NUP188: variants seen among roughly 807,000 people sequenced by gnomAD.
The protein encoded by NUP188 is nucleoporin NUP188.
In NUP188, 97 loss-of-function variants were observed where a neutral mutation model predicts 223.0. That is an observed-to-expected ratio of 0.43 (90% CI 0.37 to 0.51). NUP188 has a LOEUF of 0.51. Ranked by LOEUF, NUP188 falls within the 20% of genes least tolerant of loss-of-function variation. NUP188 has a pLI of 0.00. For synonymous variants in NUP188, 869 were observed against 828.0 expected (o/e 1.05, Z -0.85); for missense variants, 1,947 against 2,175.6 (o/e 0.89, Z 2.09).
chr9:129,005,565 TA>T, intron 40 of NUP188, 35 bp downstream of exon 40: 1 of 1,610,158 alleles, frequency 6.2e-7, no homozygotes, highest in Non-Finnish European at 8.5e-7. Context: ...CCACCTCCCC[TA>T]AAGGCTCTGC....
At chr9:128,970,085 G>A (rs539126613) in intron 10 of NUP188, among the ~76,000 whole-genome samples, 20 of 152,212 alleles carry the variant, frequency 1.3e-4, no homozygotes, top group African/African-American at 3.6e-4. Context: ...ATGCCACCAC[G>A]TCCAGTTAAT....
chr9:128,961,085 C>CAA (rs561298362), intron 8 of NUP188, among the ~76,000 whole-genome samples: 11 of 40,988 alleles, frequency 2.7e-4, no homozygotes, highest in East Asian at 7.3e-4. Context: ...GACTCCGTCT[C>CAA]AAAAAAAAAA....
intron 10 of NUP188, among the ~76,000 whole-genome samples, chr9:128,970,512 G>A (rs943348812): frequency 2.6e-5 from 4 of 152,180 alleles, no homozygotes; most frequent in Non-Finnish European, 4.4e-5. Flanking sequence ...GGAATGTATC[G>A]TAACATGCAT....
chr9:128,974,845 AC>A (rs1054685745), intron 12 of NUP188, among the ~76,000 whole-genome samples: 2 of 148,496 alleles, frequency 1.3e-5, no homozygotes, highest in Non-Finnish European at 3.0e-5. Context: ...TTCAACCTGC[AC>A]CCCCTGGGCT....
intron 8 of NUP188, among the ~76,000 whole-genome samples, chr9:128,959,527 C>CTTTTTTTTTTTTTTTTTT (rs1303364478): frequency 2.4e-5 from 3 of 123,892 alleles, no homozygotes; most frequent in African/African-American, 9.6e-5. Flanking sequence ...TACAGATTAT[C>CTTTTTTTTTTTTTTTTTT]TTTTTTTTTT....
chr9:129,002,003 C>G (rs1467850054), intron 36 of NUP188, 27 bp downstream of exon 36: 1 of 1,553,338 alleles, frequency 6.4e-7, no homozygotes, highest in Non-Finnish European at 8.9e-7. Flanking sequence ...TGCCAGGAGG[C>G]CCAGCCTGAC....
intron 8 of NUP188, among the ~76,000 whole-genome samples, chr9:128,965,037 A>G (rs1429923527): frequency 6.6e-6 from 1 of 152,162 alleles, no homozygotes; most frequent in Non-Finnish European, 1.5e-5. Flanking sequence ...TGTTTTTGTC[A>G]GTTTTGTCTA....
At chr9:128,977,117 ATTT>A (rs745918158) in intron 12 of NUP188, among the ~76,000 whole-genome samples, 8 of 124,990 alleles carry the variant, frequency 6.4e-5, no homozygotes, top group Admixed American at 8.2e-5. Context: ...TGGTACTTGG[ATTT>A]TTTTTTTTTT....
At chr9:128,993,067 C>T in intron 25 of NUP188, 130 bp from the exon 26 acceptor site, 1 of 719,302 alleles carries the variant, frequency 1.4e-6, no homozygotes, top group Non-Finnish European at 2.5e-6. Flanking sequence ...TCCCTTTTAG[C>T]CCAGAGCTGT....
At chr9:128,955,623 CTTTTTTCT>C (rs972424121) in intron 3 of NUP188, among the ~76,000 whole-genome samples, 3 of 152,008 alleles carry the variant, frequency 2.0e-5, no homozygotes, top group Admixed American at 6.6e-5. Flanking sequence ...CGTGTCCTTC[CTTTTTTCT>C]TTTTTTCTTT....
chr9:128,989,395 C>G (rs1298909411), intron 24 of NUP188, among the ~76,000 whole-genome samples: 1 of 152,056 alleles, frequency 6.6e-6, no homozygotes, highest in Non-Finnish European at 1.5e-5. Context: ...TAGTGAAACC[C>G]TCTCTCAAAA....
At chr9:128,954,277 C>T (rs1477025565) in intron 3 of NUP188, among the ~76,000 whole-genome samples, 4 of 150,296 alleles carry the variant, frequency 2.7e-5, no homozygotes, top group Non-Finnish European at 3.0e-5. Context: ...TGCAGTGGCA[C>T]GATCTCGGCT....
At position 128,948,800 on chromosome 9, in the gene NUP188, A is replaced by T. The variant is rs140581375; in HGVS notation, c.33-389A>T. On this transcript the variant is annotated intron_variant, in intron 1 of 43. Coordinates refer to ENST00000372577, the MANE Select transcript of NUP188 (RefSeq NM_015354.3). Reference sequence around the variant, plus strand: ...GAGTGCAATGGCACGATCTCGGCTCACTGCAAGCTCTGTCTCCCGGGTTCA... The same window carrying T: ...GAGTGCAATGGCACGATCTCGGCTCTCTGCAAGCTCTGTCTCCCGGGTTCA... 8.0e-3 allele frequency among the ~76,000 whole-genome samples: 1,007 copies of T among 126,410 alleles called. 14 individuals are homozygous for T. The highest frequency in any genetic ancestry group is 0.029 in the African/African-American group (961 of 33,042). 82.9% of individuals were successfully genotyped at this position (126,410 alleles called of 152,430 possible).
At chr9:128,964,301 A>G (rs774416294) in intron 8 of NUP188, 5 of 383,114 alleles carry the variant, frequency 1.3e-5, no homozygotes, top group South Asian at 1.0e-4. Context: ...TAAGCTATTT[A>G]CCAGATAGAT....
At chr9:128,961,623 T>TAGATAGATA (rs61115252) in intron 8 of NUP188, among the ~76,000 whole-genome samples, 1 of 45,434 alleles carries the variant, frequency 2.2e-5, no homozygotes, top group African/African-American at 8.0e-5. Context: ...GATAGATAGA[T>TAGATAGATA]TTTTTTTTTT....
intron 12 of NUP188, 108 bp downstream of exon 12, chr9:128,973,357 G>A: frequency 1.5e-6 from 1 of 680,692 alleles, no homozygotes; most frequent in Admixed American, 2.9e-5. Context: ...GTGTTAATTT[G>A]TTTACTGGCA....
intron 11 of NUP188, among the ~76,000 whole-genome samples, chr9:128,971,277 T>C (rs1483129206): frequency 6.6e-6 from 1 of 152,182 alleles, no homozygotes; most frequent in East Asian, 1.9e-4. Context: ...CAGTAAAGTA[T>C]GTCTTAAGAA....
Position 128,987,590 on chromosome 9 carries a change from C to A in NUP188, c.2266C>A (p.His756Asn). Residue 756 changes from histidine (H) to asparagine (N), a missense_variant and splice_region_variant, in exon 23 of 44, where the codon CAT becomes AAT. This residue lies in a region of NUP188 where 225 missense variants were observed against 319.1 expected (regional missense o/e 0.71). Coordinates refer to ENST00000372577, the MANE Select transcript of NUP188 (RefSeq NM_015354.3). ...ACTCAGAATACCTCTGTCTTCCAGT[C>A]ATACTCCCAGCCTGCAGTTTCTCTG... is the stretch of plus-strand genomic sequence containing the variant. ...LCHETDLHSSHTPSLQFLCIC... is the reference protein window; with the variant it reads ...LCHETDLHSSNTPSLQFLCIC... 6.2e-7 allele frequency: 1 copy of A among 1,611,318 alleles called. No homozygotes were observed. Among genetic ancestry groups the A allele is most frequent in the South Asian group, 1.1e-5 (1 of 90,486 alleles).
At chr9:129,005,817 C>T (rs1842783209) in intron 41 of NUP188, 41 bp downstream of exon 41, 1 of 1,548,856 alleles carries the variant, frequency 6.5e-7, no homozygotes. Context: ...CCCCCCGGCT[C>T]CTCCCCCTGC....
Sources: allele counts gnomAD v4.1 joint callset (sites outside exome capture counted in the v4.1 genomes callset), GRCh38; gene constraint gnomAD v4.1.1; regional missense constraint gnomAD v4.1.1; transcripts MANE v1.5; gene names NCBI Gene and HGNC (gene_info 2026-07-23, HGNC 2026-07-21).